PAX3: variants seen among roughly 807,000 people sequenced by gnomAD.
PAX3 encodes the protein paired box 3.
PAX3 carries 14 observed loss-of-function variants against 51.6 expected under a neutral mutation model. That is an observed-to-expected ratio of 0.27 (90% CI 0.18 to 0.42). The LOEUF (loss-of-function observed/expected upper bound fraction) is 0.42, where lower values mean the gene tolerates loss of function less well. Ranked by LOEUF, PAX3 falls within the 10% of genes least tolerant of loss-of-function variation. PAX3 has a pLI of 1.00. For synonymous variants in PAX3, 280 were observed against 253.4 expected (o/e 1.11, Z -1.00); for missense variants, 540 against 642.8 (o/e 0.84, Z 1.73).
chr2:222,294,049 C>A (rs1480249693), intron 4 of PAX3, 118 bp downstream of exon 4: 4 of 1,569,286 alleles, frequency 2.5e-6, no homozygotes, highest in Non-Finnish European at 3.5e-6. Flanking sequence ...GCAGAGACAC[C>A]GCGCATGAAG....
intron 3 of PAX3, among the ~76,000 whole-genome samples, chr2:222,294,769 C>A (rs1574765740): frequency 1.7e-5 from 2 of 117,406 alleles, no homozygotes; most frequent in South Asian, 3.8e-4. Context: ...CCCCCCCCCA[C>A]CCCCCCGTAA....
Position 222,220,026 on chromosome 2 carries a change from T to C in PAX3, c.1173+114A>G. 3.1e-5 allele frequency: 28 copies of C among 896,346 alleles called. No homozygotes were observed. The South Asian group carries it at 3.5e-4, about 11-fold the overall frequency. The allele number at this position is 896,346 out of a possible 1,614,324, so 55.5% of individuals were successfully genotyped here. A position where few individuals can be genotyped will look rare whatever the true frequency, so the allele number is the denominator to read the frequency against. On this transcript the variant is annotated intron_variant, in intron 7 of 8. Coordinates refer to ENST00000392070, the MANE Select transcript of PAX3 (RefSeq NM_181458.4). ...CAGAAAACTGAAATCATGTGGCTTC[T>C]ATAAAGAATACATTATGGTTTAAAT...
At chr2:222,261,012 C>T (rs1467606686) in intron 4 of PAX3, among the ~76,000 whole-genome samples, 1 of 152,198 alleles carries the variant, frequency 6.6e-6, no homozygotes, top group Non-Finnish European at 1.5e-5. Context: ...GCACCACATC[C>T]TTCAATGCAG....
chr2:222,298,456 C>T (rs1695423968), intron 1 of PAX3, 75 bp downstream of exon 1: 4 of 1,266,508 alleles, frequency 3.2e-6, no homozygotes, highest in Admixed American at 3.9e-5. Context: ...AAGGAGCCTG[C>T]GGAGCCTGGG....
intron 3 of PAX3, among the ~76,000 whole-genome samples, chr2:222,294,674 C>G (rs559463713): frequency 6.6e-6 from 1 of 151,206 alleles, no homozygotes; most frequent in African/African-American, 2.4e-5. Context: ...ACCAGCCCAC[C>G]GGGTACCCTC....
intron 4 of PAX3, among the ~76,000 whole-genome samples, chr2:222,258,441 T>C (rs1206751216): frequency 1.3e-5 from 2 of 152,168 alleles, no homozygotes; most frequent in East Asian, 3.8e-4. Context: ...AAAAAAAATC[T>C]GAATACATTA....
At position 222,279,586 on chromosome 2, in the gene PAX3, T is replaced by G. The variant is rs1357108833; in HGVS notation, c.586+14581A>C. Reference sequence around the variant, plus strand: ...TGGTAACATCTTTTCCTATAAATTGTAGTCTGAGTGACAGTTCTTTTTATT... The same window carrying G: ...TGGTAACATCTTTTCCTATAAATTGGAGTCTGAGTGACAGTTCTTTTTATT... On this transcript the variant is annotated intron_variant, in intron 4 of 8. Coordinates refer to ENST00000392070, the MANE Select transcript of PAX3 (RefSeq NM_181458.4). Among the ~76,000 whole-genome samples the G allele has an allele frequency of 2.6e-5, 4 of 152,354 alleles. No homozygotes were observed. In the East Asian group the frequency reaches 7.7e-4, roughly 29 times the overall value.
At chr2:222,209,032 C>T (rs1258562817) in intron 7 of PAX3, among the ~76,000 whole-genome samples, 3 of 152,080 alleles carry the variant, frequency 2.0e-5, no homozygotes, top group African/African-American at 7.2e-5. Context: ...GAAATACTGC[C>T]TTTTAGTGAA....
intron 4 of PAX3, 128 bp downstream of exon 4, chr2:222,294,039 G>T (rs1695150419): frequency 1.3e-6 from 2 of 1,565,304 alleles, no homozygotes. Context: ...TTACTCAGGC[G>T]CAGAGACACC....
At chr2:222,204,668 A>T (rs1691435758) in intron 7 of PAX3, among the ~76,000 whole-genome samples, 1 of 152,182 alleles carries the variant, frequency 6.6e-6, no homozygotes. Flanking sequence ...CAAATATTTT[A>T]CCATGAATAA....
At chr2:222,260,041 T>A (rs997176911) in intron 4 of PAX3, among the ~76,000 whole-genome samples, 7 of 152,160 alleles carry the variant, frequency 4.6e-5, no homozygotes, top group East Asian at 3.9e-4. Context: ...GATAATTTTT[T>A]AAAAAATAAA....
chr2:222,208,489 C>T (rs1691598638), intron 7 of PAX3, among the ~76,000 whole-genome samples: 1 of 152,114 alleles, frequency 6.6e-6, no homozygotes, highest in South Asian at 2.1e-4. Flanking sequence ...TTGACAAATG[C>T]TCCTGAGGAT....
In PAX3 at chr2:222,201,342, AT is replaced by A. The variant is rs1333472010; in HGVS notation, c.*65del. The A allele has an allele frequency of 3.8e-6, 6 of 1,599,932 alleles. No homozygotes were observed. Among genetic ancestry groups the A allele is most frequent in the Non-Finnish European group, 5.1e-6 (6 of 1,177,644 alleles). ...TAATTTTTTTTTGTTTTCAGAGCAG[AT>A]TCTTCATATCTAGGCTGCGAAGACC... On this transcript the variant is annotated 3_prime_UTR_variant, in exon 9 of 9. Transcript: ENST00000392070.
chr2:222,201,465 T>G (rs760818974), intron 8 of PAX3, 23 bp from the exon 9 acceptor site: 1 of 1,613,980 alleles, frequency 6.2e-7, no homozygotes, highest in South Asian at 1.1e-5. Context: ...ACACGCAGCT[T>G]TTTAGGTCAT....
At chr2:222,244,519 A>G (rs1693141906) in intron 4 of PAX3, among the ~76,000 whole-genome samples, 1 of 152,140 alleles carries the variant, frequency 6.6e-6, no homozygotes, top group African/African-American at 2.4e-5. Context: ...TCCCCTCTGC[A>G]CCTATTCCCC....
At position 222,231,282 on chromosome 2, in the gene PAX3, G is replaced by A. The variant is rs138433088; in HGVS notation, c.792+796C>T. 5.1e-4 allele frequency among the ~76,000 whole-genome samples: 77 copies of A among 152,240 alleles called. No individual in the cohort carries two copies. The Middle Eastern group carries it at 0.01, about 20-fold the overall frequency. ...GCAGACAAGGTGACTTAACTTCTAG[G>A]GTGGTGAGGAGTTCGAGGATACCCT... On this transcript the variant is annotated intron_variant, in intron 5 of 8. Coordinates refer to ENST00000392070, the MANE Select transcript of PAX3 (RefSeq NM_181458.4).
At chr2:222,255,639 T>C (rs1440186792) in intron 4 of PAX3, among the ~76,000 whole-genome samples, 1 of 152,230 alleles carries the variant, frequency 6.6e-6, no homozygotes, top group Admixed American at 6.5e-5. Context: ...ACCTTGATGT[T>C]AGGAAAGTAC....
At chr2:222,287,593 T>G (rs553681583) in intron 4 of PAX3, 7 of 152,324 alleles carry the variant, frequency 4.6e-5, no homozygotes, top group Admixed American at 2.0e-4. Flanking sequence ...ATTTGAAATA[T>G]ATGACAAAGA....
chr2:222,210,341 C>T (rs968230973), intron 7 of PAX3, among the ~76,000 whole-genome samples: 2 of 152,124 alleles, frequency 1.3e-5, no homozygotes, highest in Admixed American at 1.3e-4. Flanking sequence ...TTTAGCTACC[C>T]TTATCCTTGG....
Sources: gnomAD v4.1 joint callset for allele counts (sites outside exome capture counted in the v4.1 genomes callset) on GRCh38, gnomAD v4.1.1 for gene constraint, MANE v1.5 for transcripts, NCBI Gene and HGNC (gene_info 2026-07-23, HGNC 2026-07-21) for gene names.